The following IGSF10 variants were observed in gnomAD, a reference collection of about 807,000 sequenced individuals.
IGSF10 encodes calvaria mechanical force protein 608.
A neutral mutation model predicts 128.2 loss-of-function variants in IGSF10; 126 were observed. The observed-to-expected ratio is 0.98, with a 90% CI of 0.85 to 1.14. The LOEUF (loss-of-function observed/expected upper bound fraction) is 1.14, where lower values mean the gene tolerates loss of function less well. Ranked by LOEUF, IGSF10 falls within the 50% of genes most tolerant of loss-of-function variation. The pLI, the probability that IGSF10 is intolerant of heterozygous loss-of-function variation, is 0.00. For synonymous variants in IGSF10, 1,185 were observed against 1,146.2 expected (o/e 1.03, Z -0.68); for missense variants, 3,295 against 3,149.8 (o/e 1.05, Z -1.10).
chr3:151,614,240 A>G, the IGSF10 span, among the ~76,000 whole-genome samples: 2 of 152,232 alleles, frequency 1.3e-5, no homozygotes, highest in African/African-American at 4.8e-5. Context: ...AACCTAGTTC[A>G]ATCACTGTGG....
In IGSF10 at chr3:151,453,396, G is replaced by A. The variant is rs1721608467; in HGVS notation, c.703C>T (p.Gln235Ter). ...ACAATATAGATACCTGGCTTCTCCT[G>A]TATCCAGTCAGACAACCACTTTAAA... Reference protein sequence around the residue: ...CHLKWLSDWIQEKPDVIKCKK... With the variant: ...CHLKWLSDWI The change falls in exon 5 of 8, where the codon CAG (glutamine) becomes TAG (stop). Residue 235 changes from glutamine (Q) to a stop codon, truncating the protein, a stop_gained. Transcript: ENST00000282466. LOFTEE classifies it high-confidence loss of function. 6.3e-7 allele frequency: 1 copy of A among 1,597,254 alleles called. No homozygotes were observed. Among genetic ancestry groups the A allele is most frequent in the Non-Finnish European group, 8.5e-7 (1 of 1,175,078 alleles).
At chr3:151,580,932 T>A in the IGSF10 span, among the ~76,000 whole-genome samples, 1,930 of 152,172 alleles carry the variant, frequency 0.013, 46 homozygotes, top group African/African-American at 0.044. Context: ...AAATTCCAGA[T>A]CTGTTTTTTA....
the IGSF10 span, among the ~76,000 whole-genome samples, chr3:151,613,522 A>G: frequency 3.7e-4 from 57 of 152,348 alleles, no homozygotes; most frequent in African/African-American, 1.3e-3. Flanking sequence ...ATAATGACAC[A>G]TATCTACAAC....
At chr3:151,591,307 C>T in the IGSF10 span, among the ~76,000 whole-genome samples, 1 of 150,392 alleles carries the variant, frequency 6.6e-6, no homozygotes, top group South Asian at 2.1e-4. Context: ...AAAATATAAA[C>T]ATCTTAGTAT....
the IGSF10 span, among the ~76,000 whole-genome samples, chr3:151,602,325 C>A: frequency 6.6e-6 from 1 of 152,088 alleles, no homozygotes; most frequent in Non-Finnish European, 1.5e-5. Flanking sequence ...TTCATGCTCA[C>A]GCAAAATTTG....
chr3:151,435,398 C>G (rs1282329096), downstream of IGSF10: 1 of 152,148 alleles, frequency 6.6e-6, no homozygotes, highest in African/African-American at 2.4e-5. Context: ...GTAGCTTTGA[C>G]CACTTCCAGC....
chr3:151,455,148 T>C (rs1237260989), intron 4 of IGSF10, among the ~76,000 whole-genome samples: 1 of 151,848 alleles, frequency 6.6e-6, no homozygotes, highest in Non-Finnish European at 1.5e-5. Context: ...TTCACTCTTG[T>C]TGCCCAGGCT....
At chr3:151,605,496 G>C in the IGSF10 span, among the ~76,000 whole-genome samples, 1 of 152,218 alleles carries the variant, frequency 6.6e-6, no homozygotes, top group Middle Eastern at 3.4e-3. Flanking sequence ...ACTGAATTCT[G>C]CTTTTCTTCT....
chr3:151,579,318 G>C, the IGSF10 span, among the ~76,000 whole-genome samples: 15 of 152,054 alleles, frequency 9.9e-5, no homozygotes, highest in Admixed American at 7.2e-4. Context: ...AAAAATGCAA[G>C]ACAAAGCAAC....
chr3:151,450,180 A>T (rs908646342), intron 5 of IGSF10, among the ~76,000 whole-genome samples: 2 of 152,200 alleles, frequency 1.3e-5, no homozygotes, highest in Non-Finnish European at 2.9e-5. Context: ...TGGATATCAC[A>T]TACCATTTAA....
the IGSF10 span, among the ~76,000 whole-genome samples, chr3:151,610,969 A>T: frequency 3.3e-5 from 5 of 152,324 alleles, no homozygotes; most frequent in Non-Finnish European, 7.4e-5. Flanking sequence ...TTTAGAGGAT[A>T]CATTCAAACC....
chr3:151,584,168 T>C, the IGSF10 span, among the ~76,000 whole-genome samples: 30 of 152,350 alleles, frequency 2.0e-4, 2 homozygotes, highest in South Asian at 3.7e-3. Flanking sequence ...TATATCTTCC[T>C]GGTGGATTGA....
chr3:151,488,621 C>G, the IGSF10 span, among the ~76,000 whole-genome samples: 1 of 152,148 alleles, frequency 6.6e-6, no homozygotes, highest in Admixed American at 6.5e-5. Flanking sequence ...TATACCAAAA[C>G]AGATATATGG....
downstream of IGSF10, chr3:151,434,763 A>G (rs1162400384): frequency 6.6e-6 from 1 of 152,210 alleles, no homozygotes; most frequent in Non-Finnish European, 1.5e-5. Context: ...TTTGTAGCTC[A>G]GCATTGCAAA....
upstream of IGSF10, chr3:151,461,355 C>T (rs183410885): frequency 2.1e-4 from 211 of 985,326 alleles, no homozygotes; most frequent in African/African-American, 3.3e-3. Flanking sequence ...CGTAAATCGC[C>T]GCAGGCTGTC....
chr3:151,618,801 AAAAT>A, the IGSF10 span, among the ~76,000 whole-genome samples: 1 of 150,170 alleles, frequency 6.7e-6, no homozygotes, highest in African/African-American at 2.4e-5. Flanking sequence ...AAATAAATAA[AAAAT>A]AAAAATAAAA....
chr3:151,445,071 A>C lies in IGSF10; in HGVS notation c.4910T>G (p.Phe1637Cys), dbSNP rs1300394853. ...AAATATATACCTAGACAAAGAGTCA[A>C]AGGGAAGGAGTTTGGAAGTTGTTGC... is the stretch of plus-strand genomic sequence containing the variant. ...QEATTSKLLP[F>C]DSLSRYIFEK... The change falls in exon 6 of 8, where the codon TTT becomes TGT. Residue 1637 changes from phenylalanine (F) to cysteine (C), a missense_variant. By Grantham distance (205) the Phe-to-Cys change is radical. Transcript: ENST00000282466. 6.2e-7 allele frequency: 1 copy of C among 1,614,204 alleles called. No homozygotes were observed. Among genetic ancestry groups the C allele is most frequent in the Admixed American group, 1.7e-5 (1 of 60,030 alleles).
the IGSF10 span, among the ~76,000 whole-genome samples, chr3:151,601,386 A>G: frequency 6.6e-6 from 1 of 152,232 alleles, no homozygotes; most frequent in South Asian, 2.1e-4. Context: ...GCAAAAATAT[A>G]CATTTGAAAC....
rs772439142 is a variant in IGSF10 at position 151,445,942 on chromosome 3, C to T, written c.4039G>A (p.Glu1347Lys). ...ERSRAQTIQR[E>K]QEPQKKNRTD... ...CTGTTCTTCTTTTGAGGCTCCTGTT[C>T]TCTTTGTATTGTTTGTGCTCTAGAT... The change falls in exon 6 of 8, where the codon GAA (glutamate) becomes AAA (lysine). Residue 1347 changes from glutamate to lysine, a missense_variant. By Grantham distance (56) the Glu-to-Lys change is moderately conservative. Coordinates refer to ENST00000282466, the MANE Select transcript of IGSF10 (RefSeq NM_178822.5). The T allele has an allele frequency of 7.4e-6, 12 of 1,614,158 alleles. No homozygotes were observed. The highest frequency in any genetic ancestry group is 1.0e-5 in the Non-Finnish European group (12 of 1,180,042).
Sources: gnomAD v4.1 joint callset for allele counts (sites outside exome capture counted in the v4.1 genomes callset) on GRCh38, gnomAD v4.1.1 for gene constraint, MANE v1.5 for transcripts, NCBI Gene and HGNC (gene_info 2026-07-23, HGNC 2026-07-21) for gene names.